Variants in PARD3B observed in about 807,000 individuals in gnomAD.
PARD3B encodes the protein partitioning defective 3 homolog B.
A neutral mutation model predicts 130.2 loss-of-function variants in PARD3B; 103 were observed. That is an observed-to-expected ratio of 0.79 (90% CI 0.67 to 0.93). The LOEUF (loss-of-function observed/expected upper bound fraction) is 0.93, where lower values mean the gene tolerates loss of function less well. Ranked by LOEUF, PARD3B falls within the 40% of genes least tolerant of loss-of-function variation. The pLI, the probability that PARD3B is intolerant of heterozygous loss-of-function variation, is 0.00. For missense variants in PARD3B, 1,609 were observed against 1,499.2 expected (o/e 1.07, Z -1.21); for synonymous variants, 583 against 553.2 (o/e 1.05, Z -0.76).
chr2:205,167,105 G>A (rs1223387927), intron 11 of PARD3B, among the ~76,000 whole-genome samples: 1 of 152,110 alleles, frequency 6.6e-6, no homozygotes, highest in East Asian at 1.9e-4. Flanking sequence ...AGGTAACAGG[G>A]CAGTTGAGGG....
At chr2:204,770,716 T>G (rs576157830) in intron 2 of PARD3B, among the ~76,000 whole-genome samples, 2 of 152,152 alleles carry the variant, frequency 1.3e-5, no homozygotes, top group African/African-American at 4.8e-5. Context: ...GATCCACTAC[T>G]CATACCTACT....
rs13384038 is a variant in PARD3B at position 204,943,630 on chromosome 2, T to G, written c.223-21522T>G. Among the ~76,000 whole-genome samples, 40,947 of 152,086 alleles carry G rather than the reference T, an allele frequency of 0.27. 6,234 individuals carry two copies. Among genetic ancestry groups the G allele is most frequent in the African/African-American group, 0.39 (16,147 of 41,470 alleles). ...TTTCTTAAGTTACCCAGTTTGGAATTTATTTTGTTTTATTGTATTGGATTC... is the reference window on the plus strand; with the variant it reads ...TTTCTTAAGTTACCCAGTTTGGAATGTATTTTGTTTTATTGTATTGGATTC... On this transcript the variant is annotated intron_variant, in intron 2 of 22. Coordinates refer to ENST00000406610, the MANE Select transcript of PARD3B (RefSeq NM_001302769.2). The surrounding 1 kb of genome is among the most constrained non-coding windows in gnomAD (Gnocchi z 4.2).
chr2:204,837,179 C>T (rs1468792338), intron 2 of PARD3B, among the ~76,000 whole-genome samples: 2 of 152,046 alleles, frequency 1.3e-5, no homozygotes, highest in African/African-American at 4.8e-5. Context: ...ATGACGTTAT[C>T]TAGTAAGTTT....
intron 1 of PARD3B, among the ~76,000 whole-genome samples, chr2:204,608,570 A>G (rs1361115238): frequency 6.6e-6 from 1 of 152,178 alleles, no homozygotes; most frequent in Non-Finnish European, 1.5e-5. Flanking sequence ...ATGTGTCCTG[A>G]AAGCATAAAC....
At chr2:205,549,473 T>G (rs2052522535) in intron 21 of PARD3B, among the ~76,000 whole-genome samples, 1 of 152,076 alleles carries the variant, frequency 6.6e-6, no homozygotes, top group Non-Finnish European at 1.5e-5. Context: ...AAATGAGCTA[T>G]CAAGCCATGA....
chr2:204,730,242 T>C (rs951700374), intron 2 of PARD3B, among the ~76,000 whole-genome samples: 11 of 152,102 alleles, frequency 7.2e-5, no homozygotes, highest in African/African-American at 2.7e-4. Flanking sequence ...GCTAATTTTG[T>C]ATTTTTAGTG....
chr2:204,780,265 G>C (rs1028907295), intron 2 of PARD3B, among the ~76,000 whole-genome samples: 5 of 152,150 alleles, frequency 3.3e-5, no homozygotes, highest in East Asian at 1.9e-4. Flanking sequence ...TTATCAGAGA[G>C]AGTGTATGTG....
At chr2:205,490,422 G>A (rs1430995887) in intron 20 of PARD3B, among the ~76,000 whole-genome samples, 1 of 152,120 alleles carries the variant, frequency 6.6e-6, no homozygotes, top group African/African-American at 2.4e-5. Context: ...CTTCATCCAT[G>A]TCCCTACAAA....
intron 15 of PARD3B, among the ~76,000 whole-genome samples, chr2:205,210,021 A>G (rs911259520): frequency 6.6e-6 from 1 of 151,968 alleles, no homozygotes; most frequent in Admixed American, 6.6e-5. Context: ...TCCCATAAAT[A>G]TATACACCTA....
At position 204,967,317 on chromosome 2, in the gene PARD3B, A is replaced by G. The variant is rs1691337997; in HGVS notation, c.394+1994A>G. On this transcript the variant is annotated intron_variant, in intron 3 of 22. Transcript: ENST00000406610. This position sits in a 1 kb window ranked among gnomAD's most constrained non-coding sequence, Gnocchi z 4.4. ...TGTCAGCTATTCAGCTTCCTTGTCC[A>G]CAGCCACCACAGCAGGCCAGAGCTT... Among the ~76,000 whole-genome samples the G allele has an allele frequency of 6.6e-6, 1 of 152,076 alleles. No homozygotes were observed. The highest frequency in any genetic ancestry group is 2.4e-5 in the African/African-American group (1 of 41,382).
intron 2 of PARD3B, among the ~76,000 whole-genome samples, chr2:204,832,962 C>T (rs929097334): frequency 6.6e-6 from 1 of 152,086 alleles, no homozygotes; most frequent in African/African-American, 2.4e-5. Flanking sequence ...AAGAACTGTA[C>T]AGATGTAAGG....
In PARD3B at chr2:205,532,093, G is replaced by A. The variant is rs1040335062; in HGVS notation, c.3181-21231G>A. On this transcript the variant is annotated intron_variant, in intron 21 of 22. Coordinates refer to ENST00000406610, the MANE Select transcript of PARD3B (RefSeq NM_001302769.2). ...GAATGCGCTGGCATAACTGTCTTCTGAGTGTTCCTTTGTGATCATGCCTTG... is the reference window on the plus strand; with the variant it reads ...GAATGCGCTGGCATAACTGTCTTCTAAGTGTTCCTTTGTGATCATGCCTTG... 2.0e-5 allele frequency among the ~76,000 whole-genome samples: 3 copies of A among 152,150 alleles called. No individual in the cohort carries two copies. The East Asian group carries it at 5.8e-4, about 29-fold the overall frequency.
At position 205,253,439 on chromosome 2, in the gene PARD3B, G is replaced by T; in HGVS notation, c.2185+7617G>T. On this transcript the variant is annotated intron_variant, in intron 16 of 22. Transcript: ENST00000406610. The surrounding 1 kb of genome is among the most constrained non-coding windows in gnomAD (Gnocchi z 4.4). ...CCTTGGCTGGGCTGGTGGATGGGAAGCCAGTATGGATCACCTTGTGGATGG... is the reference window on the plus strand; with the variant it reads ...CCTTGGCTGGGCTGGTGGATGGGAATCCAGTATGGATCACCTTGTGGATGG... The T allele has an allele frequency of 1.8e-6, 1 of 564,008 alleles. No individual in the cohort carries two copies. Among genetic ancestry groups the T allele is most frequent in the South Asian group, 1.4e-5 (1 of 72,744 alleles). 34.9% of individuals were successfully genotyped at this position (564,008 alleles called of 1,614,324 possible).
At chr2:205,088,420 A>T (rs1165473613) in intron 4 of PARD3B, among the ~76,000 whole-genome samples, 1 of 152,192 alleles carries the variant, frequency 6.6e-6, no homozygotes, top group Non-Finnish European at 1.5e-5. Flanking sequence ...CTTTTTTAAA[A>T]TAATAGGGTA....
intron 1 of PARD3B, among the ~76,000 whole-genome samples, chr2:204,582,580 T>C (rs1199339596): frequency 6.6e-6 from 1 of 152,170 alleles, no homozygotes; most frequent in East Asian, 1.9e-4. Context: ...GGGTGGGTTT[T>C]GTAGATTAAT....
At chr2:204,555,431 A>G (rs898379695) in intron 1 of PARD3B, among the ~76,000 whole-genome samples, 11 of 152,062 alleles carry the variant, frequency 7.2e-5, no homozygotes, top group African/African-American at 2.7e-4. Flanking sequence ...GGTGGCACAC[A>G]CCTGTAATCC....
At chr2:205,533,996 CTG>C (rs2051722355) in intron 21 of PARD3B, among the ~76,000 whole-genome samples, 2 of 148,024 alleles carry the variant, frequency 1.4e-5, no homozygotes, top group African/African-American at 2.5e-5. Context: ...CTGGGTTACT[CTG>C]TGCATTAATG....
At chr2:204,586,272 A>G (rs767635971) in intron 1 of PARD3B, among the ~76,000 whole-genome samples, 2 of 152,226 alleles carry the variant, frequency 1.3e-5, no homozygotes, top group Non-Finnish European at 2.9e-5. Flanking sequence ...AGCTAGTGAT[A>G]TTGAAAGTGT....
chr2:205,005,704 A>G (rs1226975535), intron 3 of PARD3B, among the ~76,000 whole-genome samples: 3 of 152,210 alleles, frequency 2.0e-5, no homozygotes, highest in Non-Finnish European at 2.9e-5. Flanking sequence ...AAAAAGCAGA[A>G]TGTTAGCTAA....
Sources: allele counts gnomAD v4.1 joint callset (sites outside exome capture counted in the v4.1 genomes callset), GRCh38; gene constraint gnomAD v4.1.1; non-coding constraint Gnocchi (gnomAD v3.1); transcripts MANE v1.5; gene names NCBI Gene and HGNC (gene_info 2026-07-23, HGNC 2026-07-21).